PMFBP1: variants seen among roughly 807,000 people sequenced by gnomAD.
PMFBP1 encodes polyamine modulated factor 1 binding protein 1.
In PMFBP1, 131 loss-of-function variants were observed where a neutral mutation model predicts 137.8. The ratio of observed to expected loss-of-function variants is 0.95; its 90% CI spans 0.82 to 1.10. The LOEUF (loss-of-function observed/expected upper bound fraction) is 1.10. PMFBP1 is among the 50% of genes least tolerant of loss of function. The probability of loss-of-function intolerance (pLI) is 0.00; values close to 1 mark genes in which losing one functional copy is unlikely to be tolerated. For synonymous variants in PMFBP1, 490 were observed against 450.4 expected (o/e 1.09, Z -1.11); for missense variants, 1,199 against 1,175.4 (o/e 1.02, Z -0.29).
chr16:72,142,744 G>A (rs759248389), intron 5 of PMFBP1, among the ~76,000 whole-genome samples: 19 of 152,180 alleles, frequency 1.2e-4, no homozygotes, highest in Non-Finnish European at 2.1e-4. Context: ...GGACTGCCGA[G>A]CATAGTAATG....
the PMFBP1 span, among the ~76,000 whole-genome samples, chr16:72,201,039 G>A: frequency 7.9e-5 from 12 of 152,090 alleles, no homozygotes; most frequent in African/African-American, 2.7e-4. Context: ...TTATTGTTTC[G>A]CAGCCTGAAT....
chr16:72,157,615 C>T (rs1041925360), intron 3 of PMFBP1, among the ~76,000 whole-genome samples: 2 of 152,032 alleles, frequency 1.3e-5, no homozygotes, highest in South Asian at 2.1e-4. Flanking sequence ...TCTTTAGGAT[C>T]GTATAGCCAT....
chr16:72,238,284 C>T, the PMFBP1 span, among the ~76,000 whole-genome samples: 3 of 152,178 alleles, frequency 2.0e-5, no homozygotes, highest in Non-Finnish European at 4.4e-5. Context: ...TATAGTGTTC[C>T]TTTTTCTCCA....
At chr16:72,138,702 G>A (rs1232851296) in intron 7 of PMFBP1, among the ~76,000 whole-genome samples, 1 of 151,914 alleles carries the variant, frequency 6.6e-6, no homozygotes, top group East Asian at 1.9e-4. Context: ...TTTTAGTAGA[G>A]ATGGAGTTTC....
the PMFBP1 span, among the ~76,000 whole-genome samples, chr16:72,222,153 T>C: frequency 6.6e-6 from 1 of 152,264 alleles, no homozygotes; most frequent in Non-Finnish European, 1.5e-5. Flanking sequence ...GGTTGGGTTT[T>C]TTTGAGTCTG....
chr16:72,125,125 G>C, intron 16 of PMFBP1, 113 bp downstream of exon 16: 3 of 1,445,140 alleles, frequency 2.1e-6, no homozygotes, highest in Non-Finnish European at 2.8e-6. Context: ...CAAGAAAGTG[G>C]AGGGAACCTA....
Position 72,154,298 on chromosome 16 carries a change from A to G in PMFBP1, c.327T>C (p.Tyr109=). ...FHTEELQTSY[Y]SLRQYQSILE... ...GGATGGACTGATACTGGCGGAGAGA[A>G]TAGTAAGAAGTCTGCAACTCCTCTG... Residue 109 remains tyrosine, a synonymous_variant, in exon 4 of 21, where the codon TAT becomes TAC. Transcript: ENST00000237353. The G allele has an allele frequency of 6.2e-7, 1 of 1,614,154 alleles. No individual in the cohort carries two copies.
the PMFBP1 span, among the ~76,000 whole-genome samples, chr16:72,202,531 C>T: frequency 6.6e-6 from 1 of 152,126 alleles, no homozygotes; most frequent in African/African-American, 2.4e-5. Flanking sequence ...TCCCTAGGTC[C>T]CACCCCGACA....
At chr16:72,247,129 G>T in the PMFBP1 span, among the ~76,000 whole-genome samples, 15 of 152,240 alleles carry the variant, frequency 9.9e-5, no homozygotes, top group Admixed American at 9.8e-4. Flanking sequence ...TTTGCTAGCA[G>T]TAATTTAGTT....
chr16:72,237,745 G>A, the PMFBP1 span, among the ~76,000 whole-genome samples: 1 of 151,986 alleles, frequency 6.6e-6, no homozygotes, highest in African/African-American at 2.4e-5. Context: ...TTGTCACCCA[G>A]GTATGAAGCC....
the PMFBP1 span, among the ~76,000 whole-genome samples, chr16:72,233,160 G>T: frequency 1.3e-5 from 2 of 152,146 alleles, no homozygotes; most frequent in African/African-American, 4.8e-5. Context: ...AATAGTAAGG[G>T]ATAGGTTAAA....
At chr16:72,197,108 G>C in the PMFBP1 span, among the ~76,000 whole-genome samples, 2 of 152,120 alleles carry the variant, frequency 1.3e-5, no homozygotes, top group East Asian at 3.9e-4. Context: ...ACGAACCAGA[G>C]TGTGAGTCCA....
At chr16:72,131,108 T>C (rs889681596) in intron 10 of PMFBP1, among the ~76,000 whole-genome samples, 2 of 151,952 alleles carry the variant, frequency 1.3e-5, no homozygotes, top group African/African-American at 4.8e-5. Flanking sequence ...GAGATCCACA[T>C]GGGTTAGAAC....
chr16:72,166,899 G>A (rs1356690490), intron 2 of PMFBP1, among the ~76,000 whole-genome samples: 2 of 152,226 alleles, frequency 1.3e-5, no homozygotes, highest in African/African-American at 4.8e-5. Flanking sequence ...AAAGTGCATA[G>A]TAGACAGGGG....
chr16:72,208,513 A>G, the PMFBP1 span, among the ~76,000 whole-genome samples: 5,726 of 152,330 alleles, frequency 0.038, 349 homozygotes, highest in African/African-American at 0.13. Context: ...ATATTTTCCC[A>G]AAGGTAACTT....
chr16:72,183,015 G>A, the PMFBP1 span, among the ~76,000 whole-genome samples: 1 of 152,060 alleles, frequency 6.6e-6, no homozygotes, highest in East Asian at 1.9e-4. Context: ...GGTCCCCAGA[G>A]GGTCTTGGGG....
chr16:72,149,285 C>T (rs747842036), intron 5 of PMFBP1, among the ~76,000 whole-genome samples: 2 of 152,160 alleles, frequency 1.3e-5, no homozygotes, highest in African/African-American at 2.4e-5. Context: ...TGGGGAAATA[C>T]GCTCTCTTAA....
At chr16:72,129,974 G>A (rs555576728) in intron 12 of PMFBP1, among the ~76,000 whole-genome samples, 1 of 152,010 alleles carries the variant, frequency 6.6e-6, no homozygotes, top group African/African-American at 2.4e-5. Flanking sequence ...ATCCTCCCAA[G>A]TAGCTGGGAC....
At chr16:72,187,126 ATAAAT>A in the PMFBP1 span, among the ~76,000 whole-genome samples, 3 of 150,828 alleles carry the variant, frequency 2.0e-5, no homozygotes, top group African/African-American at 7.3e-5. Context: ...AAAAAAAAAA[ATAAAT>A]AAAAAAATAA....
Sources: gnomAD v4.1 joint callset for allele counts (sites outside exome capture counted in the v4.1 genomes callset) on GRCh38, gnomAD v4.1.1 for gene constraint, MANE v1.5 for transcripts, NCBI Gene and HGNC (gene_info 2026-07-23, HGNC 2026-07-21) for gene names.